The following ROBO1 variants were observed in gnomAD, a reference collection of about 807,000 sequenced individuals.
The protein encoded by ROBO1 is roundabout homolog 1.
Under a neutral mutation model 195.9 loss-of-function variants are expected in ROBO1, and 149 were observed. The observed-to-expected ratio is 0.76, with a 90% CI of 0.67 to 0.87. ROBO1 has a LOEUF of 0.87. Ranked by LOEUF, ROBO1 falls within the 40% of genes least tolerant of loss-of-function variation. The pLI, the probability that ROBO1 is intolerant of heterozygous loss-of-function variation, is 0.00. For synonymous variants in ROBO1, 816 were observed against 733.2 expected (o/e 1.11, Z -1.82); for missense variants, 1,933 against 2,068.3 (o/e 0.93, Z 1.27).
chr3:79,417,353 T>A (rs2038047823), intron 2 of ROBO1, among the ~76,000 whole-genome samples: 1 of 152,140 alleles, frequency 6.6e-6, no homozygotes, highest in African/African-American at 2.4e-5. Context: ...AGGGAACTGA[T>A]GTTTGCTAAC....
At chr3:79,073,728 T>A (rs1041031377) in intron 3 of ROBO1, among the ~76,000 whole-genome samples, 3 of 151,844 alleles carry the variant, frequency 2.0e-5, no homozygotes, top group Non-Finnish European at 2.9e-5. Context: ...GTTCGCTTTA[T>A]GCCGTCTAAC....
chr3:79,365,782 AGC>A (rs2035953068), intron 2 of ROBO1, among the ~76,000 whole-genome samples: 1 of 151,796 alleles, frequency 6.6e-6, no homozygotes, highest in African/African-American at 2.4e-5. Flanking sequence ...CTGTAGTCCC[AGC>A]TACTCGGGAG....
At chr3:78,811,081 T>G (rs561790663) in intron 4 of ROBO1, among the ~76,000 whole-genome samples, 1 of 152,106 alleles carries the variant, frequency 6.6e-6, no homozygotes, top group Non-Finnish European at 1.5e-5. Flanking sequence ...AAATACTAAG[T>G]ATTCATTTTT....
chr3:78,945,210 C>T (rs2040361265), intron 3 of ROBO1, among the ~76,000 whole-genome samples: 1 of 152,188 alleles, frequency 6.6e-6, no homozygotes, highest in East Asian at 1.9e-4. Flanking sequence ...TGAGAATGGG[C>T]AGACTGCCTC....
At chr3:78,833,934 A>T (rs1162047917) in intron 4 of ROBO1, among the ~76,000 whole-genome samples, 1 of 152,206 alleles carries the variant, frequency 6.6e-6, no homozygotes, top group Middle Eastern at 3.2e-3. Context: ...AATGGGCTAC[A>T]TTCAGACTTT....
intron 2 of ROBO1, among the ~76,000 whole-genome samples, chr3:79,310,363 C>T (rs2033427041): frequency 6.6e-6 from 1 of 152,116 alleles, no homozygotes; most frequent in Non-Finnish European, 1.5e-5. Flanking sequence ...GGACTGGGGG[C>T]CTTTTATATC....
At chr3:79,002,003 T>C (rs747429263) in intron 3 of ROBO1, among the ~76,000 whole-genome samples, 1 of 152,170 alleles carries the variant, frequency 6.6e-6, no homozygotes, top group Non-Finnish European at 1.5e-5. Flanking sequence ...GAGCTCCCAC[T>C]ATGTGCTAGG....
intron 1 of ROBO1, among the ~76,000 whole-genome samples, chr3:79,734,004 A>G (rs1042999435): frequency 2.7e-5 from 4 of 150,932 alleles, no homozygotes; most frequent in Non-Finnish European, 2.9e-5. Flanking sequence ...CTGGATTGCA[A>G]TGGTGCGATC....
chr3:79,155,753 C>T (rs1397325798), intron 2 of ROBO1, among the ~76,000 whole-genome samples: 1 of 151,768 alleles, frequency 6.6e-6, no homozygotes, highest in African/African-American at 2.4e-5. Flanking sequence ...GTTTGCACAA[C>T]TGGAAAGTGA....
intron 3 of ROBO1, among the ~76,000 whole-genome samples, chr3:79,055,360 A>C (rs1367585962): frequency 6.6e-6 from 1 of 152,072 alleles, no homozygotes; most frequent in African/African-American, 2.4e-5. Flanking sequence ...ATTTCTAAAC[A>C]ATGGCCCACC....
chr3:78,791,734 A>C (rs897164317), intron 4 of ROBO1, among the ~76,000 whole-genome samples: 1 of 152,218 alleles, frequency 6.6e-6, no homozygotes, highest in Non-Finnish European at 1.5e-5. Flanking sequence ...AAATTGGTTT[A>C]ATAGAAGGAG....
At chr3:79,723,913 G>C (rs1702804802) in intron 1 of ROBO1, among the ~76,000 whole-genome samples, 1 of 152,124 alleles carries the variant, frequency 6.6e-6, no homozygotes, top group South Asian at 2.1e-4. Flanking sequence ...ACTGACAGAA[G>C]TACAGAAATA....
intron 1 of ROBO1, among the ~76,000 whole-genome samples, chr3:79,638,430 AC>A (rs1306708104): frequency 1.3e-5 from 2 of 152,058 alleles, no homozygotes; most frequent in African/African-American, 4.8e-5. Context: ...TTGCTCTGTC[AC>A]CCAGGCTGGA....
At chr3:79,715,380 C>T (rs981623168) in intron 1 of ROBO1, among the ~76,000 whole-genome samples, 4 of 152,124 alleles carry the variant, frequency 2.6e-5, no homozygotes, top group African/African-American at 4.8e-5. Flanking sequence ...CCCCAACCTT[C>T]GGCAACCATC....
rs376245292 is a variant in ROBO1, at chr3:78,670,194, G to T, written c.1450C>A (p.Pro484Thr). 18 of 1,611,288 alleles carry T rather than the reference G, an allele frequency of 1.1e-5. No homozygotes were observed. The African/African-American group carries it at 2.3e-4, about 20-fold the overall frequency. Residue 484 changes from proline to threonine, a missense_variant, in exon 11 of 31, where the codon CCC becomes ACC. Coordinates refer to ENST00000464233, the MANE Select transcript of ROBO1 (RefSeq NM_002941.4). ...CCATCCTTTCTCCACAGAATGGTGGGCACTGGACTGCCTGTGGCCACACAG... is the reference window on the plus strand; with the variant it reads ...CCATCCTTTCTCCACAGAATGGTGGTCACTGGACTGCCTGTGGCCACACAG... ...LSCVATGSPVPTILWRKDGVL... is the reference protein window; with the variant it reads ...LSCVATGSPVTTILWRKDGVL...
At chr3:78,668,642 A>G (rs1231197759) in intron 11 of ROBO1, 77 bp from the exon 12 acceptor site, 8 of 1,307,200 alleles carry the variant, frequency 6.1e-6, no homozygotes, top group East Asian at 4.7e-5. Context: ...ACAGGTTTGT[A>G]TATGATCCAT....
chr3:79,235,446 G>T (rs1305395744), intron 2 of ROBO1, among the ~76,000 whole-genome samples: 1 of 152,024 alleles, frequency 6.6e-6, no homozygotes, highest in Non-Finnish European at 1.5e-5. Context: ...GCTAAGAATA[G>T]CTCTCAGCTG....
intron 2 of ROBO1, among the ~76,000 whole-genome samples, chr3:79,307,333 G>C (rs2033269626): frequency 6.6e-6 from 1 of 151,658 alleles, no homozygotes; most frequent in Non-Finnish European, 1.5e-5. Context: ...ATGCATTTCA[G>C]AAAGAAAAAA....
At chr3:78,793,494 G>A (rs188713085) in intron 4 of ROBO1, among the ~76,000 whole-genome samples, 1 of 152,310 alleles carries the variant, frequency 6.6e-6, no homozygotes, top group Non-Finnish European at 1.5e-5. Context: ...GTGATGACAA[G>A]TAGGAGAAAA....
Sources: allele counts gnomAD v4.1 joint callset (sites outside exome capture counted in the v4.1 genomes callset), GRCh38; gene constraint gnomAD v4.1.1; transcripts MANE v1.5; gene names NCBI Gene and HGNC (gene_info 2026-07-23, HGNC 2026-07-21).